The following EYA2 variants were observed in gnomAD, a reference collection of about 807,000 sequenced individuals.
EYA2 encodes protein phosphatase EYA2.
EYA2 carries 31 observed loss-of-function variants against 69.2 expected under a neutral mutation model. That is an observed-to-expected ratio of 0.45 (90% CI 0.34 to 0.60). EYA2 has a LOEUF of 0.60. Among genes scored for constraint, EYA2 ranks in the 20% least tolerant of loss-of-function variants. EYA2 has a pLI of 0.02. For synonymous variants in EYA2, 257 were observed against 279.4 expected, an observed-to-expected ratio of 0.92 and a Z score of 0.80; for missense variants, 622 against 701.2, an observed-to-expected ratio of 0.89 and a Z score of 1.28.
At chr20:46,957,578 C>CACAA (rs576647103) in intron 1 of EYA2, among the ~76,000 whole-genome samples, 4,092 of 66,620 alleles carry the variant, frequency 0.061, 267 homozygotes, top group African/African-American at 0.14. Context: ...CACACACACA[C>CACAA]GAAGACAATG....
chr20:46,922,816 A>G (rs1193891668), intron 1 of EYA2, among the ~76,000 whole-genome samples: 1 of 152,180 alleles, frequency 6.6e-6, no homozygotes, highest in Non-Finnish European at 1.5e-5. Flanking sequence ...ATGGCTTATA[A>G]ATTTTAAGAG....
chr20:47,102,899 G>A (rs1214543546), intron 9 of EYA2, among the ~76,000 whole-genome samples: 2 of 152,064 alleles, frequency 1.3e-5, no homozygotes, highest in Non-Finnish European at 2.9e-5. Context: ...TTTTCCAGCT[G>A]GTATTAGGCA....
intron 1 of EYA2, among the ~76,000 whole-genome samples, chr20:46,951,540 T>C (rs989091089): frequency 1.2e-4 from 19 of 152,128 alleles, no homozygotes; most frequent in Non-Finnish European, 2.2e-4. Flanking sequence ...TGCCAGTCAC[T>C]GAGGATTAGA....
At chr20:47,186,042 A>G (rs1240926796) in intron 15 of EYA2, among the ~76,000 whole-genome samples, 4 of 152,158 alleles carry the variant, frequency 2.6e-5, no homozygotes, top group African/African-American at 9.7e-5. Flanking sequence ...GCCTGCTTAA[A>G]TGACACTCCC....
At position 47,075,043 on chromosome 20, in the gene EYA2, G is replaced by A. The variant is rs567394988; in HGVS notation, c.661+708G>A. Among the ~76,000 whole-genome samples the A allele has an allele frequency of 2.4e-4, 36 of 152,312 alleles. No individual in the cohort carries two copies. In the East Asian group the frequency reaches 5.2e-3, roughly 22 times the overall value. On this transcript the variant is annotated intron_variant, in intron 7 of 15. Transcript: ENST00000327619. Reference sequence around the variant, plus strand: ...GGAGAATCGCTTGAACCTGGGAGGCGGAGGTTGCAGTGAGCCGAGATCGCG... The same window carrying A: ...GGAGAATCGCTTGAACCTGGGAGGCAGAGGTTGCAGTGAGCCGAGATCGCG...
chr20:47,015,491 C>G (rs149155926), intron 4 of EYA2, among the ~76,000 whole-genome samples: 1 of 152,268 alleles, frequency 6.6e-6, no homozygotes, highest in African/African-American at 2.4e-5. Context: ...AAGGGTGGTT[C>G]ATTTCACACC....
At position 47,169,119 on chromosome 20, in the gene EYA2, C is replaced by CTG; in HGVS notation, c.979-19_979-18insGT. 1 of 1,610,752 alleles carries CTG rather than the reference C, an allele frequency of 6.2e-7. No homozygotes were observed. The highest frequency in any genetic ancestry group is 8.5e-7 in the Non-Finnish European group (1 of 1,177,590). ...AGGCATGTTCTCTCTCTCTCTCTCT[C>CTG]TCTGTCAAATTTTCCATAGGATTGT... On this transcript the variant is annotated intron_variant, in intron 10 of 15. Coordinates refer to ENST00000327619, the MANE Select transcript of EYA2 (RefSeq NM_005244.5).
At chr20:46,972,237 A>G (rs527523648) in intron 1 of EYA2, among the ~76,000 whole-genome samples, 1 of 152,352 alleles carries the variant, frequency 6.6e-6, no homozygotes, top group South Asian at 2.1e-4. Flanking sequence ...ATGTCCCTGC[A>G]GGAGAAGCTA....
chr20:47,181,068 A>T, intron 14 of EYA2, 132 bp downstream of exon 14: 1 of 1,315,966 alleles, frequency 7.6e-7, no homozygotes, highest in Non-Finnish European at 1.0e-6. Flanking sequence ...CATGACTCAG[A>T]TTCCCAAAAC....
intron 9 of EYA2, among the ~76,000 whole-genome samples, chr20:47,122,433 A>G (rs531639452): frequency 6.6e-6 from 1 of 151,214 alleles, no homozygotes; most frequent in South Asian, 2.1e-4. Context: ...AGCTGGGTCT[A>G]CAGGCACCCG....
chr20:47,140,142 C>G (rs143329037), intron 9 of EYA2, among the ~76,000 whole-genome samples: 2 of 152,108 alleles, frequency 1.3e-5, no homozygotes, highest in African/African-American at 4.8e-5. Context: ...CGAATTGCTC[C>G]GTCAAAGAGG....
intron 10 of EYA2, among the ~76,000 whole-genome samples, chr20:47,143,783 G>A (rs1222471198): frequency 2.0e-5 from 3 of 152,148 alleles, no homozygotes; most frequent in Non-Finnish European, 2.9e-5. Context: ...AATAGAACTA[G>A]TAACACAAAG....
chr20:47,099,625 G>T (rs759245184), intron 9 of EYA2, among the ~76,000 whole-genome samples: 1 of 152,216 alleles, frequency 6.6e-6, no homozygotes, highest in Non-Finnish European at 1.5e-5. Flanking sequence ...TTGAGGGGAC[G>T]TGGAGCTGGG....
At chr20:46,999,428 A>G (rs1351567759) in intron 2 of EYA2, among the ~76,000 whole-genome samples, 2 of 152,182 alleles carry the variant, frequency 1.3e-5, no homozygotes, top group Non-Finnish European at 2.9e-5. Flanking sequence ...GCTTTCCTTG[A>G]CATTCGGCTA....
intron 10 of EYA2, among the ~76,000 whole-genome samples, chr20:47,149,829 G>A (rs1325495651): frequency 2.0e-5 from 3 of 152,100 alleles, no homozygotes; most frequent in African/African-American, 7.2e-5. Flanking sequence ...TCCAGACTGG[G>A]CAACAGAGCA....
intron 1 of EYA2, among the ~76,000 whole-genome samples, chr20:46,954,758 G>A (rs916672328): frequency 1.3e-5 from 2 of 152,186 alleles, no homozygotes; most frequent in African/African-American, 4.8e-5. Context: ...GAGACTGTGA[G>A]TTCATGTCAA....
At chr20:46,930,915 A>G (rs1985640599) in intron 1 of EYA2, among the ~76,000 whole-genome samples, 1 of 152,304 alleles carries the variant, frequency 6.6e-6, no homozygotes, top group African/African-American at 2.4e-5. Context: ...AGGAATGCCT[A>G]CCGTAGGGTC....
Position 46,985,271 on chromosome 20 carries a change from A to G in EYA2, c.-10-4730A>G, listed in dbSNP as rs560241364. Among the ~76,000 whole-genome samples the G allele has an allele frequency of 6.6e-5, 10 of 152,256 alleles. No individual in the cohort carries two copies. In the East Asian group the frequency reaches 1.9e-3, roughly 29 times the overall value. On this transcript the variant is annotated intron_variant, in intron 1 of 15. Coordinates refer to ENST00000327619, the MANE Select transcript of EYA2 (RefSeq NM_005244.5). Reference sequence around the variant, plus strand: ...CAACAGATGCTAACTGGATGATGGAATGAACAAGATTCTGTGTTAAGTGCT... The same window carrying G: ...CAACAGATGCTAACTGGATGATGGAGTGAACAAGATTCTGTGTTAAGTGCT...
At chr20:47,110,886 C>A (rs563356752) in intron 9 of EYA2, among the ~76,000 whole-genome samples, 1 of 152,336 alleles carries the variant, frequency 6.6e-6, no homozygotes, top group Admixed American at 6.5e-5. Flanking sequence ...TGCTCCATGC[C>A]CCCTAGCCTG....
Sources: gnomAD v4.1 joint callset for allele counts (sites outside exome capture counted in the v4.1 genomes callset) on GRCh38, gnomAD v4.1.1 for gene constraint, MANE v1.5 for transcripts, NCBI Gene and HGNC (gene_info 2026-07-23, HGNC 2026-07-21) for gene names.